The following ZNF727 variants were observed in gnomAD, a reference collection of about 807,000 sequenced individuals.
ZNF727 encodes the protein zinc finger protein 727.
In ZNF727, 11 loss-of-function variants were observed where a neutral mutation model predicts 11.5. The observed-to-expected ratio is 0.95, with a 90% confidence interval of 0.60 to 1.58. The LOEUF is 1.58. ZNF727 is among the 40% of genes most tolerant of loss of function. The probability of loss-of-function intolerance (pLI) is 0.00; values close to 1 mark genes in which losing one functional copy is unlikely to be tolerated. For missense variants in ZNF727, 533 were observed against 581.7 expected (o/e 0.92, Z 0.86); for synonymous variants, 171 against 196.1 (o/e 0.87, Z 1.07).
chr7:64,070,101 T>G (rs1183204045), intron 3 of ZNF727, among the ~76,000 whole-genome samples: 1 of 152,078 alleles, frequency 6.6e-6, no homozygotes, highest in African/African-American at 2.4e-5. Context: ...CTTTATAATT[T>G]TCTATTCTAT....
At chr7:64,045,767 C>G (rs920200549) in intron 1 of ZNF727, 143 bp downstream of exon 1, 9 of 1,090,326 alleles carry the variant, frequency 8.3e-6, no homozygotes, top group Non-Finnish European at 1.2e-5. Flanking sequence ...CCTCACTTCC[C>G]TCCGTCGCAG....
chr7:64,069,157 T>C (rs1268263798), intron 2 of ZNF727, 140 bp downstream of exon 2: 6 of 881,540 alleles, frequency 6.8e-6, no homozygotes, highest in Non-Finnish European at 9.9e-6. Flanking sequence ...GTTTAGGTAG[T>C]AAATATAATC....
intron 1 of ZNF727, among the ~76,000 whole-genome samples, chr7:64,055,056 A>G (rs1789661573): frequency 1.3e-5 from 2 of 152,082 alleles, no homozygotes; most frequent in African/African-American, 2.4e-5. Context: ...CTGGTTTTCT[A>G]TATGAAAATT....
rs779990449 is a variant in ZNF727, at chr7:64,078,104, C to G, written c.1055C>G (p.Ser352Cys). The G allele has an allele frequency of 6.2e-7, 1 of 1,609,246 alleles. No homozygotes were observed. Among genetic ancestry groups the G allele is most frequent in the Non-Finnish European group, 8.5e-7 (1 of 1,177,694 alleles). Residue 352 changes from serine to cysteine, a missense_variant, in exon 4 of 4, where the codon TCC (serine) becomes TGC (cysteine). By Grantham distance (112) the Ser-to-Cys change is moderately radical (BLOSUM62 -1). Transcript: ENST00000456806. Reference sequence around the variant, plus strand: ...GAATGTGGCAAAGCCTTTACCTACTCCTCAACCCTTATTAGCCACAAGAGA... The same window carrying G: ...GAATGTGGCAAAGCCTTTACCTACTGCTCAACCCTTATTAGCCACAAGAGA... ...CEECGKAFTY[S>C]STLISHKRIH...
chr7:64,065,679 G>A (rs1164352935), intron 1 of ZNF727, among the ~76,000 whole-genome samples: 6 of 152,122 alleles, frequency 3.9e-5, no homozygotes, highest in African/African-American at 7.2e-5. Context: ...GAAATATCAC[G>A]TGTGTAGAAC....
At position 64,068,975 on chromosome 7, in the gene ZNF727, A is replaced by G; in HGVS notation, c.88A>G (p.Arg30Gly). Reference protein sequence around the residue: ...CLDSAQQRLYRDVMLENYGNL... With the variant: ...CLDSAQQRLYGDVMLENYGNL... ...GGACTCTGCTCAGCAGCGTTTGTAT[A>G]GGGATGTGATGTTAGAGAACTACGG... The change falls in exon 2 of 4, where the codon AGG (arginine) becomes GGG (glycine). Residue 30 changes from arginine to glycine, a missense_variant. Arg to Gly is a moderately radical substitution (Grantham distance 125, BLOSUM62 -2). Around this residue, in one of 3 missense-constraint regions of ZNF727, gnomAD observed 463 missense variants for 494.5 expected, o/e 0.94. Coordinates refer to ENST00000456806, the MANE Select transcript of ZNF727 (RefSeq NM_001159522.3). 1 of 1,606,218 alleles carries G rather than the reference A, an allele frequency of 6.2e-7. No homozygotes were observed. The highest frequency in any genetic ancestry group is 8.5e-7 in the Non-Finnish European group (1 of 1,175,752).
At chr7:64,069,048 T>G in intron 2 of ZNF727, 31 bp downstream of exon 2, 2 of 1,517,892 alleles carry the variant, frequency 1.3e-6, no homozygotes, top group Non-Finnish European at 1.8e-6. Context: ...CAACTCATAT[T>G]CTACATTAAA....
chr7:64,060,576 A>C (rs1789754316), intron 1 of ZNF727, among the ~76,000 whole-genome samples: 1 of 152,232 alleles, frequency 6.6e-6, no homozygotes. Context: ...AGTAATTCCA[A>C]CACCATGGGA....
intron 1 of ZNF727, 32 bp downstream of exon 1, chr7:64,045,656 G>C: frequency 6.4e-7 from 1 of 1,557,962 alleles, no homozygotes; most frequent in South Asian, 1.2e-5. Flanking sequence ...CCCGAGAAGG[G>C]GGAAGAGGCT....
intron 1 of ZNF727, among the ~76,000 whole-genome samples, chr7:64,061,454 T>C (rs571952361): frequency 4.7e-4 from 71 of 151,932 alleles, no homozygotes; most frequent in Non-Finnish European, 9.4e-4. Flanking sequence ...AGTTTTTTTT[T>C]TCTTGAAATC....
At chr7:64,071,823 C>G (rs181401164) in intron 3 of ZNF727, among the ~76,000 whole-genome samples, 1 of 151,796 alleles carries the variant, frequency 6.6e-6, no homozygotes, top group African/African-American at 2.4e-5. Flanking sequence ...TTTCCCAGCC[C>G]CAAGCATGGA....
At position 64,078,334 on chromosome 7, in the gene ZNF727, T is replaced by G. The variant is rs766014320; in HGVS notation, c.1285T>G (p.Cys429Gly). The G allele has an allele frequency of 1.8e-5, 29 of 1,576,244 alleles. No homozygotes were observed. Among genetic ancestry groups the G allele is most frequent in the Non-Finnish European group, 1.6e-5 (19 of 1,160,910 alleles). The change falls in exon 4 of 4, where the codon TGT becomes GGT. Residue 429 changes from cysteine (C) to glycine (G), a missense_variant. Cys to Gly is a radical substitution (Grantham distance 159). Around this residue, in one of 3 missense-constraint regions of ZNF727, gnomAD observed 16 missense variants for 38.6 expected, o/e 0.41. Transcript: ENST00000456806. Reference sequence around the variant, plus strand: ...AGTGAGACCTTACAAATGTGAAGAATGTGGCAAAACCTTTAAGTGGTTCCC... The same window carrying G: ...AGTGAGACCTTACAAATGTGAAGAAGGTGGCAAAACCTTTAAGTGGTTCCC... ...MEVRPYKCEECGKTFKWFPDL... is the reference protein window; with the variant it reads ...MEVRPYKCEEGGKTFKWFPDL...
chr7:64,070,351 T>C (rs1408696867), intron 3 of ZNF727, among the ~76,000 whole-genome samples: 1 of 152,058 alleles, frequency 6.6e-6, no homozygotes, highest in Non-Finnish European at 1.5e-5. Context: ...GTTGAGTACA[T>C]ATTAAACTCC....
At chr7:64,063,420 T>A (rs1167274843) in intron 1 of ZNF727, among the ~76,000 whole-genome samples, 1 of 151,980 alleles carries the variant, frequency 6.6e-6, no homozygotes, top group Non-Finnish European at 1.5e-5. Context: ...TCCAAGAGAG[T>A]CTCTGGGTTA....
At chr7:64,047,116 G>C (rs1789520583) in intron 1 of ZNF727, among the ~76,000 whole-genome samples, 1 of 152,124 alleles carries the variant, frequency 6.6e-6, no homozygotes, top group Non-Finnish European at 1.5e-5. Context: ...TGCTCTACAG[G>C]GTCCTTGGTT....
chr7:64,050,402 AG>A (rs530312387), intron 1 of ZNF727, among the ~76,000 whole-genome samples: 88 of 152,248 alleles, frequency 5.8e-4, no homozygotes, highest in Admixed American at 2.8e-3. Context: ...GGGCTTCATG[AG>A]GAAAAACAGG....
At chr7:64,071,169 T>TG (rs2116317384) in intron 3 of ZNF727, among the ~76,000 whole-genome samples, 1 of 152,142 alleles carries the variant, frequency 6.6e-6, no homozygotes, top group South Asian at 2.1e-4. Context: ...CTATTAAAAA[T>TG]TTTTTTAAAG....
At position 64,063,250 on chromosome 7, in the gene ZNF727, C is replaced by T. The variant is rs191305855; in HGVS notation, c.4-5641C>T. 8.6e-3 allele frequency among the ~76,000 whole-genome samples: 1,313 copies of T among 151,974 alleles called. 7 individuals are homozygous for T. The highest frequency in any genetic ancestry group is 0.014 in the Middle Eastern group (4 of 294). ...CATTCTGGGCTTTTTAATACCTGTC[C>T]TTCTTAGAAAGGCTTTCCAAGTATT... On this transcript the variant is annotated intron_variant, in intron 1 of 3. Transcript: ENST00000456806.
At chr7:64,052,753 G>A (rs964911977) in intron 1 of ZNF727, among the ~76,000 whole-genome samples, 1 of 152,190 alleles carries the variant, frequency 6.6e-6, no homozygotes, top group South Asian at 2.1e-4. Flanking sequence ...CCACAGGGGC[G>A]GAGCTGCCCA....
Sources: allele counts gnomAD v4.1 joint callset (sites outside exome capture counted in the v4.1 genomes callset), GRCh38; gene constraint gnomAD v4.1.1; regional missense constraint gnomAD v4.1.1; transcripts MANE v1.5; gene names NCBI Gene and HGNC (gene_info 2026-07-23, HGNC 2026-07-21).